EPB41L4A: variants seen among roughly 807,000 people sequenced by gnomAD.
The protein encoded by EPB41L4A is erythrocyte membrane protein band 4.1 like 4A.
Under a neutral mutation model 108.6 loss-of-function variants are expected in EPB41L4A, and 100 were observed. That is an observed-to-expected ratio of 0.92 (90% CI 0.78 to 1.09). The LOEUF (loss-of-function observed/expected upper bound fraction) is 1.09. EPB41L4A is among the 50% of genes least tolerant of loss of function. The pLI is 0.00. For missense variants in EPB41L4A, 1,030 were observed against 842.7 expected, an observed-to-expected ratio of 1.22 and a Z score of -2.75; for synonymous variants, 319 against 289.0, an observed-to-expected ratio of 1.10 and a Z score of -1.05.
At chr5:112,169,206 G>A in intron 20 of EPB41L4A, 101 bp from the exon 21 acceptor site, 1 of 854,460 alleles carries the variant, frequency 1.2e-6, no homozygotes, top group Non-Finnish European at 2.0e-6. Flanking sequence ...ACAACTTTCA[G>A]AGTTTTAAAA....
At chr5:112,253,735 G>A (rs547188081) in intron 9 of EPB41L4A, among the ~76,000 whole-genome samples, 1 of 152,218 alleles carries the variant, frequency 6.6e-6, no homozygotes, top group East Asian at 1.9e-4. Flanking sequence ...AAATAACAAA[G>A]GAAGTGAAGT....
At chr5:112,374,446 A>C (rs1019919994) in intron 1 of EPB41L4A, among the ~76,000 whole-genome samples, 1 of 152,184 alleles carries the variant, frequency 6.6e-6, no homozygotes, top group African/African-American at 2.4e-5. Context: ...TGATGAAAAG[A>C]AGTTAAAGTC....
chr5:112,361,500 C>A (rs1424131559), intron 1 of EPB41L4A, among the ~76,000 whole-genome samples: 1 of 148,444 alleles, frequency 6.7e-6, no homozygotes, highest in African/African-American at 2.5e-5. Context: ...CCGAGAAACA[C>A]CCAAGAATGA....
chr5:112,224,390 A>G (rs1748306711), intron 12 of EPB41L4A, among the ~76,000 whole-genome samples: 2 of 151,000 alleles, frequency 1.3e-5, no homozygotes, highest in South Asian at 4.2e-4. Flanking sequence ...AAAAACCCAT[A>G]TACTTAAAAA....
At chr5:112,322,733 C>T (rs1755885091) in intron 1 of EPB41L4A, among the ~76,000 whole-genome samples, 1 of 151,776 alleles carries the variant, frequency 6.6e-6, no homozygotes, top group African/African-American at 2.4e-5. Context: ...CACACTCACA[C>T]ACACACCCCA....
chr5:112,320,003 T>G (rs1468732627), intron 1 of EPB41L4A, among the ~76,000 whole-genome samples: 1 of 152,238 alleles, frequency 6.6e-6, no homozygotes, highest in Non-Finnish European at 1.5e-5. Context: ...AGCAACTGCA[T>G]CTGTGAGTGA....
chr5:112,153,816 T>C (rs1444496722), intron 12 of EPB41L4A, among the ~76,000 whole-genome samples: 1 of 151,164 alleles, frequency 6.6e-6, no homozygotes, highest in Non-Finnish European at 1.5e-5. Flanking sequence ...CCACCTATTA[T>C]GACCCAAAAC....
intron 12 of EPB41L4A, chr5:112,228,273 G>T (rs936097132): frequency 6.6e-6 from 1 of 152,176 alleles, no homozygotes; most frequent in African/African-American, 2.4e-5. Flanking sequence ...TCCAGATTTT[G>T]TACTTCTCTT....
intron 1 of EPB41L4A, among the ~76,000 whole-genome samples, chr5:112,407,097 G>A (rs556327289): frequency 1.3e-5 from 2 of 152,094 alleles, no homozygotes; most frequent in African/African-American, 4.8e-5. Flanking sequence ...GTGGCTGACA[G>A]GAAAAAGCAA....
At chr5:112,281,904 A>G (rs531890765) in intron 2 of EPB41L4A, among the ~76,000 whole-genome samples, 1 of 152,330 alleles carries the variant, frequency 6.6e-6, no homozygotes, top group African/African-American at 2.4e-5. Flanking sequence ...ATGCATATAT[A>G]AGCTTCATTA....
intron 12 of EPB41L4A, among the ~76,000 whole-genome samples, chr5:112,221,000 T>C (rs1380817922): frequency 6.6e-6 from 1 of 152,232 alleles, no homozygotes; most frequent in Non-Finnish European, 1.5e-5. Context: ...TCTTTGGGTC[T>C]TCATTTCTAA....
chr5:112,351,393 G>A (rs1194429172), intron 1 of EPB41L4A, among the ~76,000 whole-genome samples: 6 of 152,056 alleles, frequency 3.9e-5, no homozygotes, highest in African/African-American at 1.2e-4. Flanking sequence ...TCCTGGACAC[G>A]TACAACCCCC....
intron 19 of EPB41L4A, among the ~76,000 whole-genome samples, 168 bp from the exon 20 acceptor site, chr5:112,170,537 G>A (rs1760516194): frequency 6.6e-6 from 1 of 152,144 alleles, no homozygotes; most frequent in African/African-American, 2.4e-5. Context: ...AATAGGAGGG[G>A]TAAAACCTTT....
At chr5:112,335,638 G>C (rs1756869803) in intron 1 of EPB41L4A, among the ~76,000 whole-genome samples, 1 of 152,158 alleles carries the variant, frequency 6.6e-6, no homozygotes, top group African/African-American at 2.4e-5. Context: ...TGCCTGATAG[G>C]AGGCATCTCC....
At chr5:112,197,980 A>C (rs1429295979) in intron 15 of EPB41L4A, among the ~76,000 whole-genome samples, 1 of 152,170 alleles carries the variant, frequency 6.6e-6, no homozygotes. Context: ...CAGACTTCTG[A>C]AGGCAATACT....
chr5:112,329,545 T>C (rs1259601747), intron 1 of EPB41L4A, among the ~76,000 whole-genome samples: 1 of 152,124 alleles, frequency 6.6e-6, no homozygotes, highest in Non-Finnish European at 1.5e-5. Flanking sequence ...CTAGACAACA[T>C]CTAATACCAA....
At chr5:112,259,800 C>A (rs968077048) in intron 8 of EPB41L4A, 91 bp downstream of exon 8, 2 of 895,712 alleles carry the variant, frequency 2.2e-6, no homozygotes, top group Non-Finnish European at 3.7e-6. Context: ...TGGAAATATA[C>A]CTGTTTTCTT....
intron 15 of EPB41L4A, among the ~76,000 whole-genome samples, chr5:112,203,880 T>C (rs1762337423): frequency 6.6e-6 from 1 of 151,844 alleles, no homozygotes; most frequent in Admixed American, 6.6e-5. Context: ...CTACTAAAAA[T>C]ACAAAAAAAT....
chr5:112,248,937 C>A (rs1472824108), intron 9 of EPB41L4A, among the ~76,000 whole-genome samples: 2 of 152,132 alleles, frequency 1.3e-5, no homozygotes, highest in South Asian at 2.1e-4. Flanking sequence ...ACAGCCACAA[C>A]TGGACAGTCT....
Sources: gnomAD v4.1 joint callset for allele counts (sites outside exome capture counted in the v4.1 genomes callset) on GRCh38, gnomAD v4.1.1 for gene constraint, MANE v1.5 for transcripts, NCBI Gene and HGNC (gene_info 2026-07-23, HGNC 2026-07-21) for gene names.